The following NCKAP5 variants were observed in gnomAD, a reference collection of about 807,000 sequenced individuals.
NCKAP5 encodes NCK associated protein 5.
Under a neutral mutation model 167.0 loss-of-function variants are expected in NCKAP5, and 92 were observed. That is an observed-to-expected ratio of 0.55 (90% confidence interval 0.47 to 0.66). The LOEUF is 0.66. Among genes scored for constraint, NCKAP5 ranks in the 30% least tolerant of loss-of-function variants. The pLI is 0.00. For missense variants in NCKAP5, 2,378 were observed against 2,315.0 expected, an observed-to-expected ratio of 1.03 and a Z score of -0.56; for synonymous variants, 891 against 877.4, an observed-to-expected ratio of 1.02 and a Z score of -0.27.
At chr2:132,761,945 G>A (rs540237257) in intron 16 of NCKAP5, among the ~76,000 whole-genome samples, 1 of 152,154 alleles carries the variant, frequency 6.6e-6, no homozygotes, top group Non-Finnish European at 1.5e-5. Context: ...CTACAAAAGG[G>A]ACCCTTGGAC....
the NCKAP5 span, among the ~76,000 whole-genome samples, chr2:133,608,906 C>G: frequency 1.3e-5 from 2 of 152,172 alleles, no homozygotes; most frequent in African/African-American, 4.8e-5. Flanking sequence ...CTCCATGGTC[C>G]CAGACCAACC....
At chr2:133,075,740 G>T (rs2080579660) in intron 6 of NCKAP5, among the ~76,000 whole-genome samples, 1 of 152,012 alleles carries the variant, frequency 6.6e-6, no homozygotes. Context: ...CAATAGATAG[G>T]TTTTAAATTT....
intron 6 of NCKAP5, among the ~76,000 whole-genome samples, chr2:133,035,259 TA>T (rs1362536325): frequency 6.6e-6 from 1 of 151,956 alleles, no homozygotes; most frequent in Non-Finnish European, 1.5e-5. Context: ...CCCAGATGTA[TA>T]AAGGAAATAT....
At chr2:133,232,424 G>A (rs1369446537) in intron 4 of NCKAP5, among the ~76,000 whole-genome samples, 1 of 152,110 alleles carries the variant, frequency 6.6e-6, no homozygotes, top group South Asian at 2.1e-4. Context: ...AAAAGAAAAA[G>A]AAAAGCACTA....
At chr2:133,036,034 C>T (rs961000210) in intron 6 of NCKAP5, among the ~76,000 whole-genome samples, 1 of 151,596 alleles carries the variant, frequency 6.6e-6, no homozygotes, top group Admixed American at 6.6e-5. Flanking sequence ...TTATTAGGGG[C>T]TACTATGAGC....
chr2:133,243,499 T>C (rs369381849), intron 4 of NCKAP5, among the ~76,000 whole-genome samples: 45 of 152,310 alleles, frequency 3.0e-4, no homozygotes, highest in African/African-American at 1.0e-3. Flanking sequence ...CCAGTAGCTA[T>C]GGAAACTATC....
rs546770014 is a variant in NCKAP5, at chr2:133,112,405, C to G, written c.341+17573G>C. On this transcript the variant is annotated intron_variant, in intron 6 of 19. Coordinates refer to ENST00000409261, the MANE Select transcript of NCKAP5 (RefSeq NM_207363.3). ...GGAAGAATAGCGTGAACCCGGGAGG[C>G]GGAGCTTGCAGTGAGCCAAGATCGC... Among the ~76,000 whole-genome samples the G allele has an allele frequency of 1.1e-3, 165 of 151,962 alleles. 1 individual carries two copies. Among genetic ancestry groups the G allele is most frequent in the African/African-American group, 3.6e-3 (150 of 41,436 alleles).
At chr2:133,444,105 C>T (rs2151173634) in intron 3 of NCKAP5, among the ~76,000 whole-genome samples, 1 of 151,934 alleles carries the variant, frequency 6.6e-6, no homozygotes, top group Non-Finnish European at 1.5e-5. Context: ...CTTGACTGAC[C>T]TAGGTGAAGC....
intron 5 of NCKAP5, among the ~76,000 whole-genome samples, chr2:133,141,132 C>A (rs559925270): frequency 2.4e-4 from 37 of 152,178 alleles, no homozygotes; most frequent in Non-Finnish European, 4.4e-4. Flanking sequence ...ATGAGATTTT[C>A]TCTGGTTTAG....
chr2:133,427,011 G>A (rs1481051057), intron 3 of NCKAP5, among the ~76,000 whole-genome samples: 1 of 152,186 alleles, frequency 6.6e-6, no homozygotes, highest in Non-Finnish European at 1.5e-5. Context: ...AATTTTCCCT[G>A]CAGCATTTGA....
At chr2:132,999,898 A>G (rs946710705) in intron 6 of NCKAP5, among the ~76,000 whole-genome samples, 11 of 152,228 alleles carry the variant, frequency 7.2e-5, no homozygotes, top group African/African-American at 2.7e-4. Context: ...AACAGAAAAC[A>G]AGAAGCCACT....
intron 11 of NCKAP5, 32 bp from the exon 12 acceptor site, chr2:132,796,761 C>T (rs1224230541): frequency 7.2e-6 from 10 of 1,396,956 alleles, no homozygotes; most frequent in East Asian, 2.3e-5. Flanking sequence ...CATTGAATAG[C>T]GATAATTTAA....
intron 9 of NCKAP5, among the ~76,000 whole-genome samples, chr2:132,872,252 T>C (rs1690882901): frequency 6.6e-6 from 1 of 152,180 alleles, no homozygotes; most frequent in Non-Finnish European, 1.5e-5. Flanking sequence ...GGGCTGCAGG[T>C]GAGACAGGAA....
intron 15 of NCKAP5, among the ~76,000 whole-genome samples, chr2:132,778,831 T>C (rs1158662846): frequency 6.6e-6 from 1 of 152,212 alleles, no homozygotes; most frequent in Non-Finnish European, 1.5e-5. Context: ...TATAGGCTGA[T>C]AACATATAAT....
chr2:133,134,938 G>A (rs1395736919), intron 5 of NCKAP5, among the ~76,000 whole-genome samples: 1 of 152,150 alleles, frequency 6.6e-6, no homozygotes, highest in Non-Finnish European at 1.5e-5. Flanking sequence ...AAGCAGCTAT[G>A]TACCCCCAAC....
chr2:133,660,205 T>G, the NCKAP5 span, among the ~76,000 whole-genome samples: 3 of 152,214 alleles, frequency 2.0e-5, no homozygotes, highest in Admixed American at 1.3e-4. Context: ...TTCCCTTCAG[T>G]CAAAATGCAC....
intron 16 of NCKAP5, among the ~76,000 whole-genome samples, chr2:132,765,397 C>G (rs1375751339): frequency 7.0e-6 from 1 of 143,748 alleles, no homozygotes; most frequent in Non-Finnish European, 1.5e-5. Flanking sequence ...TTACTGCAAT[C>G]TCTGCCTCCG....
At chr2:132,822,663 C>T (rs1686835512) in intron 11 of NCKAP5, among the ~76,000 whole-genome samples, 3 of 152,090 alleles carry the variant, frequency 2.0e-5, no homozygotes, top group African/African-American at 7.2e-5. Context: ...TATAACAAGC[C>T]CAAAAGATCA....
At chr2:132,800,999 G>C (rs1354470813) in intron 11 of NCKAP5, among the ~76,000 whole-genome samples, 2 of 152,300 alleles carry the variant, frequency 1.3e-5, no homozygotes, top group East Asian at 1.9e-4. Context: ...TTACAGTCAG[G>C]TGTGCCCACA....
Sources: gnomAD v4.1 joint callset for allele counts (sites outside exome capture counted in the v4.1 genomes callset) on GRCh38, gnomAD v4.1.1 for gene constraint, MANE v1.5 for transcripts, NCBI Gene and HGNC (gene_info 2026-07-23, HGNC 2026-07-21) for gene names.